SMARCC1: variants seen among roughly 807,000 people sequenced by gnomAD.
SMARCC1 encodes the protein SWI/SNF related BAF chromatin remodeling complex subunit C1.
Under a neutral mutation model 147.4 loss-of-function variants are expected in SMARCC1, and 43 were observed. The observed-to-expected ratio is 0.29, with a 90% CI of 0.23 to 0.38. The LOEUF (loss-of-function observed/expected upper bound fraction) is 0.38, where lower values mean the gene tolerates loss of function less well. Ranked by LOEUF, SMARCC1 falls within the 10% of genes least tolerant of loss-of-function variation. The pLI is 1.00. For missense variants in SMARCC1, 1,119 were observed against 1,381.1 expected, an observed-to-expected ratio of 0.81 and a Z score of 3.01; for synonymous variants, 495 against 484.4, an observed-to-expected ratio of 1.02 and a Z score of -0.29.
chr3:47,749,147 T>TA (rs2034599254), intron 2 of SMARCC1, among the ~76,000 whole-genome samples: 1 of 151,514 alleles, frequency 6.6e-6, no homozygotes, highest in Admixed American at 6.6e-5. Context: ...TACCAAAAAA[T>TA]ACAAAAATTA....
At chr3:47,714,840 A>G (rs2034136241) in intron 7 of SMARCC1, among the ~76,000 whole-genome samples, 1 of 152,104 alleles carries the variant, frequency 6.6e-6, no homozygotes, top group Admixed American at 6.6e-5. Flanking sequence ...TACTACTAAA[A>G]TCTATTAATA....
intron 24 of SMARCC1, among the ~76,000 whole-genome samples, chr3:47,633,817 C>CACACACACACACACACAT (rs1406763088): frequency 4.0e-5 from 5 of 125,356 alleles, no homozygotes; most frequent in Non-Finnish European, 6.7e-5. Context: ...CACACACACA[C>CACACACACACACACACAT]ATATATATAA....
At chr3:47,733,960 CAT>C (rs1465332082) in intron 5 of SMARCC1, among the ~76,000 whole-genome samples, 2 of 150,194 alleles carry the variant, frequency 1.3e-5, no homozygotes, top group African/African-American at 2.5e-5. Context: ...CATGTATACA[CAT>C]ATATGTACGT....
chr3:47,693,594 T>C (rs1463128817), intron 11 of SMARCC1, among the ~76,000 whole-genome samples: 1 of 152,240 alleles, frequency 6.6e-6, no homozygotes, highest in Non-Finnish European at 1.5e-5. Flanking sequence ...TTAAAGTTTA[T>C]GATGCATTTG....
chr3:47,708,880 T>C lies in SMARCC1; in HGVS notation c.918+1803A>G, dbSNP rs2034050090. On this transcript the variant is annotated intron_variant, in intron 9 of 27. Transcript: ENST00000254480. The stretch of plus-strand genomic sequence containing the variant: ...GTCTCAAACTTCTGGGCTCAAACTA[T>C]CCTCCTACCTCGGCCTCCGAAAGTG... Among the ~76,000 whole-genome samples, 3 of 152,268 alleles carry C rather than the reference T, an allele frequency of 2.0e-5. No homozygotes were observed. In the South Asian group the frequency reaches 6.2e-4, roughly 32 times the overall value.
At chr3:47,752,898 T>C (rs2034643769) in intron 2 of SMARCC1, among the ~76,000 whole-genome samples, 1 of 152,178 alleles carries the variant, frequency 6.6e-6, no homozygotes, top group South Asian at 2.1e-4. Flanking sequence ...CTGCCTCTAC[T>C]CTCAACTGTG....
intron 18 of SMARCC1, among the ~76,000 whole-genome samples, chr3:47,671,905 T>C (rs893958988): frequency 3.9e-5 from 6 of 152,112 alleles, no homozygotes; most frequent in Non-Finnish European, 7.4e-5. Flanking sequence ...GCATTAGTGC[T>C]ACACACTGCA....
chr3:47,705,968 C>G (rs1316815407), intron 10 of SMARCC1, among the ~76,000 whole-genome samples: 1 of 152,104 alleles, frequency 6.6e-6, no homozygotes, highest in East Asian at 1.9e-4. Flanking sequence ...AAGTGTAGCC[C>G]TGAACCAGGC....
At chr3:47,734,026 T>C (rs1315202795) in intron 5 of SMARCC1, among the ~76,000 whole-genome samples, 1 of 152,068 alleles carries the variant, frequency 6.6e-6, no homozygotes, top group African/African-American at 2.4e-5. Flanking sequence ...TACACATATG[T>C]ATATACAGAC....
intron 14 of SMARCC1, 46 bp downstream of exon 14, chr3:47,686,003 T>C (rs1356176113): frequency 4.4e-6 from 7 of 1,577,490 alleles, no homozygotes; most frequent in Admixed American, 1.7e-5. Flanking sequence ...AGGAAAGTTC[T>C]TGTACTGCTC....
intron 11 of SMARCC1, among the ~76,000 whole-genome samples, chr3:47,696,077 A>AGG (rs56779302): frequency 4.0e-4 from 10 of 25,138 alleles, no homozygotes; most frequent in South Asian, 3.0e-3. Context: ...AAAAAAAAAA[A>AGG]GGGGGGGGGG....
intron 11 of SMARCC1, among the ~76,000 whole-genome samples, chr3:47,696,389 CAAAA>C (rs1275108029): frequency 6.6e-6 from 1 of 151,166 alleles, no homozygotes; most frequent in Non-Finnish European, 1.5e-5. Flanking sequence ...CAAAACAAAA[CAAAA>C]AAACAAAACA....
intron 6 of SMARCC1, among the ~76,000 whole-genome samples, chr3:47,725,813 A>G (rs1472921811): frequency 1.3e-5 from 2 of 150,990 alleles, no homozygotes; most frequent in Admixed American, 6.6e-5. Flanking sequence ...TGTAATCCCA[A>G]CACTTTGGGA....
rs564845182 is a variant in SMARCC1, at chr3:47,753,247, C to T, written c.316-7254G>A. Among the ~76,000 whole-genome samples, 3 of 151,336 alleles carry T rather than the reference C, an allele frequency of 2.0e-5. No homozygotes were observed. In the East Asian group the frequency reaches 5.8e-4, roughly 29 times the overall value. Reference sequence around the variant, plus strand: ...GGATGAGACAGGAGAATCACTTGAACCCAGGAGGTGGAGGTAGCAGTGAGC... The same window carrying T: ...GGATGAGACAGGAGAATCACTTGAATCCAGGAGGTGGAGGTAGCAGTGAGC... On this transcript the variant is annotated intron_variant, in intron 2 of 27. Coordinates refer to ENST00000254480, the MANE Select transcript of SMARCC1 (RefSeq NM_003074.4).
intron 5 of SMARCC1, 31 bp from the exon 6 acceptor site, chr3:47,729,125 A>AT (rs1187013200): frequency 2.8e-6 from 4 of 1,450,212 alleles, no homozygotes; most frequent in Non-Finnish European, 1.9e-6. Flanking sequence ...AACCACAAAA[A>AT]TAAAGCACAT....
In SMARCC1 at chr3:47,635,173, G is replaced by C. The variant is rs2032951728; in HGVS notation, c.2646+17C>G. ...ATGCCTTAAGAGAGCACTGGAAAAG[G>C]GCTGTCAGGGGCAAACCTTGGCTTT... is the stretch of plus-strand genomic sequence containing the variant. On this transcript the variant is annotated intron_variant, in intron 24 of 27. Transcript: ENST00000254480. The C allele has an allele frequency of 1.9e-6, 3 of 1,610,990 alleles. No homozygotes were observed. Among genetic ancestry groups the C allele is most frequent in the Non-Finnish European group, 1.7e-6 (2 of 1,178,190 alleles).
At position 47,667,705 on chromosome 3, in the gene SMARCC1, C is replaced by T. The variant is rs150015632; in HGVS notation, c.1899+2953G>A. ...CATCCTGGCCAACATGGTGAAACCCCGTGTCTTCTGAAAATACAAAAATTA... is the reference window on the plus strand; with the variant it reads ...CATCCTGGCCAACATGGTGAAACCCTGTGTCTTCTGAAAATACAAAAATTA... On this transcript the variant is annotated intron_variant, in intron 19 of 27. Transcript: ENST00000254480. 2.0e-3 allele frequency among the ~76,000 whole-genome samples: 300 copies of T among 152,186 alleles called. 1 individual carries two copies. The highest frequency in any genetic ancestry group is 2.8e-3 in the Non-Finnish European group (193 of 68,014).
chr3:47,666,391 C>T (rs1346062253), intron 19 of SMARCC1, among the ~76,000 whole-genome samples: 2 of 152,164 alleles, frequency 1.3e-5, no homozygotes, highest in African/African-American at 4.8e-5. Flanking sequence ...CTTTCTCTGT[C>T]ACTTAAGCAG....
At chr3:47,610,499 C>G (rs1013698858) in intron 25 of SMARCC1, 172 bp from the exon 26 acceptor site, 1 of 668,676 alleles carries the variant, frequency 1.5e-6, no homozygotes, top group East Asian at 2.6e-5. Flanking sequence ...TCTTGAGTAG[C>G]ATATTTCCAT....
Sources: allele counts gnomAD v4.1 joint callset (sites outside exome capture counted in the v4.1 genomes callset), GRCh38; gene constraint gnomAD v4.1.1; transcripts MANE v1.5; gene names NCBI Gene and HGNC (gene_info 2026-07-23, HGNC 2026-07-21).